The following RBFOX1 variants were observed in gnomAD, a reference collection of about 807,000 sequenced individuals.
The protein encoded by RBFOX1 is RNA binding fox-1 homolog 1.
Under a neutral mutation model 57.7 loss-of-function variants are expected in RBFOX1, and 8 were observed. That is an observed-to-expected ratio of 0.14 (90% CI 0.08 to 0.25). RBFOX1 has a LOEUF of 0.25. RBFOX1 is among the 10% of genes least tolerant of loss of function. The pLI is 1.00. For missense variants in RBFOX1, 611 were observed against 548.5 expected (o/e 1.11, Z -1.14); for synonymous variants, 326 against 222.4 (o/e 1.47, Z -4.15).
chr16:6,664,046 A>T (rs1338548053), intron 3 of RBFOX1, among the ~76,000 whole-genome samples: 2 of 152,226 alleles, frequency 1.3e-5, no homozygotes, highest in African/African-American at 4.8e-5. Flanking sequence ...TGATATCACC[A>T]TGAGAAATGG....
chr16:7,567,619 CTA>C (rs368067278), intron 5 of RBFOX1, among the ~76,000 whole-genome samples: 370 of 25,120 alleles, frequency 0.015, 24 homozygotes, highest in African/African-American at 0.025. Context: ...TTATATGGCC[CTA>C]TATATATATA....
intron 3 of RBFOX1, among the ~76,000 whole-genome samples, chr16:6,949,240 C>A (rs575796511): frequency 6.6e-6 from 1 of 152,108 alleles, no homozygotes; most frequent in East Asian, 1.9e-4. Context: ...ATAAAAAGCA[C>A]CTTCATCAAC....
intron 3 of RBFOX1, among the ~76,000 whole-genome samples, chr16:6,806,836 A>ATTTTTTT (rs1555488600): frequency 6.5e-5 from 6 of 91,872 alleles, no homozygotes; most frequent in Non-Finnish European, 8.3e-5. Context: ...ATATATATAT[A>ATTTTTTT]TTTTTTTTTT....
intron 4 of RBFOX1, among the ~76,000 whole-genome samples, chr16:5,905,664 C>T (rs947316487): frequency 6.6e-6 from 1 of 152,140 alleles, no homozygotes; most frequent in Non-Finnish European, 1.5e-5. Context: ...CACTCCACTC[C>T]AGCCAGAGGG....
intron 3 of RBFOX1, among the ~76,000 whole-genome samples, chr16:6,967,823 G>T (rs1436943255): frequency 6.6e-6 from 1 of 152,048 alleles, no homozygotes; most frequent in African/African-American, 2.4e-5. Flanking sequence ...GAATGTAAGG[G>T]GACAGGGTTT....
rs1279147834 is a variant in RBFOX1 at position 5,253,022 on chromosome 16, T to A, written c.219+12917T>A. The stretch of plus-strand genomic sequence containing the variant: ...GTGCCTGATTCATCAGCGTGAGGGG[T>A]TCTCCTCTGAGGTGCTCGCAAAGAG... On this transcript the variant is annotated intron_variant, in intron 1 of 2. Transcript: ENST00000585867. Among the ~76,000 whole-genome samples, 51 of 152,188 alleles carry A rather than the reference T, an allele frequency of 3.4e-4. 1 individual carries two copies. The highest frequency in any genetic ancestry group is 3.3e-3 in the Admixed American group (51 of 15,280).
At chr16:5,856,120 T>C (rs866555384) in intron 3 of RBFOX1, among the ~76,000 whole-genome samples, 1 of 141,474 alleles carries the variant, frequency 7.1e-6, no homozygotes, top group African/African-American at 2.6e-5. Context: ...TTGTATATTA[T>C]TTCTAAATTT....
intron 4 of RBFOX1, among the ~76,000 whole-genome samples, chr16:5,888,004 A>C (rs1285941531): frequency 6.6e-6 from 1 of 152,218 alleles, no homozygotes; most frequent in African/African-American, 2.4e-5. Context: ...GTGTTCCTGC[A>C]ATACTGTCTT....
Position 7,518,399 on chromosome 16 carries a change from C to T in RBFOX1, c.270+10C>T, listed in dbSNP as rs113881725. The T allele has an allele frequency of 2.2e-5, 36 of 1,602,894 alleles. No individual in the cohort carries two copies. The South Asian group carries it at 3.1e-4, about 14-fold the overall frequency. On this transcript the variant is annotated intron_variant, in intron 5 of 15. Transcript: ENST00000550418. ...CTCTGGCACCGCCACAGTAAGTGGA[C>T]GTGTTTGCTACGGGTGGGAGGTTAT...
At chr16:7,696,911 T>G (rs956348722) in intron 14 of RBFOX1, among the ~76,000 whole-genome samples, 69 of 152,210 alleles carry the variant, frequency 4.5e-4, no homozygotes, top group African/African-American at 1.6e-3. Context: ...GAGACATACT[T>G]GAGGTGTCCA....
intron 2 of RBFOX1, among the ~76,000 whole-genome samples, chr16:6,608,764 C>T (rs1002912214): frequency 6.6e-6 from 1 of 152,188 alleles, no homozygotes; most frequent in Non-Finnish European, 1.5e-5. Context: ...AGAGCAAGAG[C>T]TTGTCTCAAA....
chr16:7,710,389 T>TAA (rs2083813981), intron 15 of RBFOX1: 14 of 1,379,428 alleles, frequency 1.0e-5, no homozygotes, highest in African/African-American at 1.5e-5. Flanking sequence ...TCCTTTTAGC[T>TAA]AAGAGGACTG....
At chr16:5,391,879 G>A (rs893825355) in intron 1 of RBFOX1, among the ~76,000 whole-genome samples, 29 of 120,294 alleles carry the variant, frequency 2.4e-4, no homozygotes, top group Admixed American at 4.7e-4. Flanking sequence ...ACTATGGTGT[G>A]TGTGTGTGTA....
chr16:5,793,430 G>A (rs1341415419), intron 3 of RBFOX1, among the ~76,000 whole-genome samples: 12 of 152,242 alleles, frequency 7.9e-5, no homozygotes, highest in East Asian at 3.8e-4. Context: ...AATTCAGCCC[G>A]TTGGCATGGG....
intron 3 of RBFOX1, among the ~76,000 whole-genome samples, chr16:6,657,193 C>G (rs1035352082): frequency 6.6e-6 from 1 of 151,326 alleles, no homozygotes; most frequent in Non-Finnish European, 1.5e-5. Flanking sequence ...CTTTCCTTCC[C>G]ACTTTCTCGT....
At position 6,140,294 on chromosome 16, in the gene RBFOX1, C is replaced by T. The variant is rs542923765; in HGVS notation, c.-127+120302C>T. On this transcript the variant is annotated intron_variant, in intron 1 of 15. Coordinates refer to ENST00000550418, the MANE Select transcript of RBFOX1 (RefSeq NM_018723.4). Reference sequence around the variant, plus strand: ...GCAGCCTCCACCTCCTGGGTTCAAGCGATTGTCCTGCTTCAGCCCCATGAG... The same window carrying T: ...GCAGCCTCCACCTCCTGGGTTCAAGTGATTGTCCTGCTTCAGCCCCATGAG... Among the ~76,000 whole-genome samples the T allele has an allele frequency of 5.3e-5, 8 of 151,862 alleles. No individual in the cohort carries two copies. The East Asian group carries it at 7.8e-4, about 15-fold the overall frequency.
intron 4 of RBFOX1, among the ~76,000 whole-genome samples, chr16:5,979,361 G>C (rs1014594835): frequency 3.3e-5 from 5 of 152,150 alleles, no homozygotes; most frequent in African/African-American, 1.2e-4. Context: ...GACAACCATA[G>C]CCAGCAGTCA....
At chr16:7,088,221 C>T (rs1361993470) in intron 4 of RBFOX1, among the ~76,000 whole-genome samples, 1 of 152,084 alleles carries the variant, frequency 6.6e-6, no homozygotes, top group African/African-American at 2.4e-5. Context: ...CTAGGGAAGT[C>T]GGGTTAGACA....
chr16:5,304,084 T>C (rs749654531), intron 1 of RBFOX1, among the ~76,000 whole-genome samples: 2 of 152,174 alleles, frequency 1.3e-5, no homozygotes, highest in Non-Finnish European at 2.9e-5. Flanking sequence ...TTCTGACAAA[T>C]CTCCAAAGGA....
Sources: gnomAD v4.1 joint callset for allele counts (sites outside exome capture counted in the v4.1 genomes callset) on GRCh38, gnomAD v4.1.1 for gene constraint, MANE v1.5 for transcripts, NCBI Gene and HGNC (gene_info 2026-07-23, HGNC 2026-07-21) for gene names.